Variants in GUCD1 observed in about 807,000 individuals in gnomAD.
GUCD1 encodes protein GUCD1.
In GUCD1, 17 loss-of-function variants were observed where a neutral mutation model predicts 28.3. The ratio of observed to expected loss-of-function variants is 0.60; its 90% confidence interval spans 0.41 to 0.90. GUCD1 has a LOEUF of 0.90. Ranked by LOEUF, GUCD1 falls within the 40% of genes least tolerant of loss-of-function variation. The pLI, the probability that GUCD1 is intolerant of heterozygous loss-of-function variation, is 0.00. For missense variants in GUCD1, 279 were observed against 305.5 expected (o/e 0.91, Z 0.65); for synonymous variants, 129 against 123.3 (o/e 1.05, Z -0.30).
chr22:24,555,243 CTT>C (rs2045021523), upstream of GUCD1: 3 of 1,322,032 alleles, frequency 2.3e-6, no homozygotes, highest in South Asian at 6.7e-5. Context: ...TCCCCAGCCT[CTT>C]GATTTAAGTC....
Position 24,555,104 on chromosome 22 carries a change from C to CGCCGCT in GUCD1, c.-119_-114dup, listed in dbSNP as rs1460231674. 7.6e-7 allele frequency: 1 copy of CGCCGCT among 1,308,428 alleles called. No individual in the cohort carries two copies. The highest frequency in any genetic ancestry group is 9.7e-7 in the Non-Finnish European group (1 of 1,026,874). 81.1% of individuals were successfully genotyped at this position (1,308,428 alleles called of 1,614,324 possible). A position where few individuals can be genotyped will look rare whatever the true frequency, so the allele number is the denominator to read the frequency against. ...TGTCGAGTTCCTTCTCCGCCACCGCCGCCGCTGCGGAGGAGAGAACGGGAG... is the reference window on the plus strand; with the variant it reads ...TGTCGAGTTCCTTCTCCGCCACCGCCGCCGCTGCCGCTGCGGAGGAGAGAACGGGAG... On this transcript the variant is annotated 5_prime_UTR_variant, in exon 1 of 6. Transcript: ENST00000435822.
chr22:24,554,866 C>A, intron 1 of GUCD1, 83 bp downstream of exon 1: 1 of 1,138,034 alleles, frequency 8.8e-7, no homozygotes, highest in Non-Finnish European at 1.3e-6. Context: ...GGCCCAAGGT[C>A]GCGCGACTGG....
chr22:24,551,700 G>A (rs2044879811), intron 1 of GUCD1, among the ~76,000 whole-genome samples: 2 of 152,176 alleles, frequency 1.3e-5, no homozygotes, highest in South Asian at 4.1e-4. Flanking sequence ...AGAAACGAGG[G>A]AACTCTCCTT....
intron 1 of GUCD1, among the ~76,000 whole-genome samples, chr22:24,554,500 C>T (rs1601556115): frequency 6.6e-6 from 1 of 152,254 alleles, no homozygotes; most frequent in South Asian, 2.1e-4. Flanking sequence ...ACGGCCAAGA[C>T]ATTGAATACC....
upstream of GUCD1, chr22:24,555,509 C>T (rs1280896862): frequency 2.2e-6 from 3 of 1,348,488 alleles, no homozygotes; most frequent in South Asian, 4.0e-5. Context: ...CCCCAAGCAA[C>T]TCTCCTCCAA....
At position 24,555,127 on chromosome 22, in the gene GUCD1, G is replaced by C. The variant is rs2045011599; in HGVS notation, c.-136C>G. On this transcript the variant is annotated 5_prime_UTR_variant, in exon 1 of 6. Coordinates refer to ENST00000435822, the MANE Select transcript of GUCD1 (RefSeq NM_001284254.2). ...GCCGCCGCTGCGGAGGAGAGAACGGGAGGCGGCGGCTGGGCCGCCCCAAGC... is the reference window on the plus strand; with the variant it reads ...GCCGCCGCTGCGGAGGAGAGAACGGCAGGCGGCGGCTGGGCCGCCCCAAGC... 1.5e-6 allele frequency: 2 copies of C among 1,305,670 alleles called. No individual in the cohort carries two copies. The highest frequency in any genetic ancestry group is 9.7e-7 in the Non-Finnish European group (1 of 1,028,668). 80.9% of individuals were successfully genotyped at this position (1,305,670 alleles called of 1,614,324 possible).
intron 1 of GUCD1, among the ~76,000 whole-genome samples, chr22:24,551,450 C>A (rs1043186564): frequency 2.0e-5 from 3 of 152,198 alleles, no homozygotes; most frequent in Non-Finnish European, 2.9e-5. Context: ...GAATAAGGTT[C>A]TCATCCCTTA....
At position 24,544,291 on chromosome 22, in the gene GUCD1, G is replaced by A. The variant is rs372874904; in HGVS notation, c.387-208C>T. 4.9e-4 allele frequency among the ~76,000 whole-genome samples: 75 copies of A among 151,944 alleles called. No individual in the cohort carries two copies. In the Middle Eastern group the frequency reaches 0.014, roughly 28 times the overall value. ...GTGGGGGGGGTGTGTGTGTGTGTCT[G>A]AATGTGCACAAAGATGAGCTGGCTC... is the stretch of plus-strand genomic sequence containing the variant. On this transcript the variant is annotated intron_variant, in intron 4 of 5. Transcript: ENST00000435822.
Position 24,542,945 on chromosome 22 carries a change from G to C in GUCD1, c.*61C>G. On this transcript the variant is annotated 3_prime_UTR_variant, in exon 6 of 6. Transcript: ENST00000435822. ...CCCCAAGCCTGGGCCAGGGCATCCTGAGCGGGCCCGGCTGGGGTGGGGATG... is the reference window on the plus strand; with the variant it reads ...CCCCAAGCCTGGGCCAGGGCATCCTCAGCGGGCCCGGCTGGGGTGGGGATG... 8.0e-7 allele frequency: 1 copy of C among 1,254,714 alleles called. No individual in the cohort carries two copies. The highest frequency in any genetic ancestry group is 1.2e-6 in the Non-Finnish European group (1 of 853,776). The allele number at this position is 1,254,714 out of a possible 1,614,324, so 77.7% of individuals were successfully genotyped here. A position where few individuals can be genotyped will look rare whatever the true frequency, so the allele number is the denominator to read the frequency against.
chr22:24,546,586 C>G (rs761408337), intron 4 of GUCD1, among the ~76,000 whole-genome samples: 2 of 152,220 alleles, frequency 1.3e-5, no homozygotes, highest in Non-Finnish European at 2.9e-5. Context: ...CTTAGGCCAT[C>G]GCCCTTTCAT....
intron 2 of GUCD1, 48 bp from the exon 3 acceptor site, chr22:24,548,121 T>C (rs1569013852): frequency 1.3e-6 from 2 of 1,542,066 alleles, no homozygotes; most frequent in Non-Finnish European, 1.8e-6. Context: ...GAGGGTCAAC[T>C]GGTCTGAGTC....
chr22:24,541,873 T>C lies in GUCD1; in HGVS notation c.*1133A>G, dbSNP rs1219243464. 6.6e-6 allele frequency: 1 copy of C among 152,214 alleles called. No individual in the cohort carries two copies. The highest frequency in any genetic ancestry group is 2.4e-5 in the African/African-American group (1 of 41,454). The allele number at this position is 152,214 out of a possible 1,614,324, so 9.4% of individuals were successfully genotyped here. Reference sequence around the variant, plus strand: ...AGTGGTTCCAAAGTACCTTCACTCTTGCTATTACTGTTTTACTTGAAGGTG... The same window carrying C: ...AGTGGTTCCAAAGTACCTTCACTCTCGCTATTACTGTTTTACTTGAAGGTG... On this transcript the variant is annotated 3_prime_UTR_variant, in exon 6 of 6. Transcript: ENST00000435822.
At chr22:24,555,322 C>T (rs1295025865), upstream of GUCD1, 1 of 1,397,224 alleles carries the variant, frequency 7.2e-7, no homozygotes. Flanking sequence ...CGCGCAGACG[C>T]GCAGCTCACC....
At chr22:24,551,278 G>A (rs2044864865) in intron 1 of GUCD1, among the ~76,000 whole-genome samples, 1 of 152,116 alleles carries the variant, frequency 6.6e-6, no homozygotes. Flanking sequence ...AAGATACCCA[G>A]GCCGTTCACT....
chr22:24,555,795 G>A (rs1279977110), upstream of GUCD1: 2 of 1,548,972 alleles, frequency 1.3e-6, no homozygotes, highest in Non-Finnish European at 1.7e-6. Flanking sequence ...CGGCCCCAAG[G>A]GTCGTTGCGG....
chr22:24,547,790 C>CCTGGGTAT (rs1569013125), intron 3 of GUCD1, 118 bp downstream of exon 3: 1 of 1,060,128 alleles, frequency 9.4e-7, no homozygotes, highest in Non-Finnish European at 1.4e-6. Context: ...TCTCTGCACA[C>CCTGGGTAT]CTGGGTATCT....
At chr22:24,548,848 G>A (rs1601545522) in intron 2 of GUCD1, 69 bp downstream of exon 2, 1 of 1,209,882 alleles carries the variant, frequency 8.3e-7, no homozygotes, top group Non-Finnish European at 1.2e-6. Context: ...TCCCACCCAG[G>A]TCTCTCCCAA....
chr22:24,553,985 G>C (rs7290144), intron 1 of GUCD1, among the ~76,000 whole-genome samples: 35,254 of 152,254 alleles, frequency 0.23, 4,969 homozygotes, highest in African/African-American at 0.4. Flanking sequence ...CCTGGCCTGA[G>C]CTCAGTTAGT....
intron 5 of GUCD1, 48 bp from the exon 6 acceptor site, chr22:24,543,145 GCACCTACAC>G: frequency 7.5e-7 from 1 of 1,332,142 alleles, no homozygotes; most frequent in African/African-American, 1.4e-5. Context: ...TTGTGAGAGA[GCACCTACAC>G]CACCGACACA....
Sources: gnomAD v4.1 joint callset for allele counts (sites outside exome capture counted in the v4.1 genomes callset) on GRCh38, gnomAD v4.1.1 for gene constraint, MANE v1.5 for transcripts, NCBI Gene and HGNC (gene_info 2026-07-23, HGNC 2026-07-21) for gene names.